OPCML: variants seen among roughly 807,000 people sequenced by gnomAD.
The protein encoded by OPCML is opioid-binding protein/cell adhesion molecule.
Under a neutral mutation model 37.8 loss-of-function variants are expected in OPCML, and 13 were observed. That is an observed-to-expected ratio of 0.34 (90% CI 0.22 to 0.55). The LOEUF (loss-of-function observed/expected upper bound fraction) is 0.55. Ranked by LOEUF, OPCML falls within the 20% of genes least tolerant of loss-of-function variation. The pLI is 0.91. For missense variants in OPCML, 341 were observed against 435.6 expected (o/e 0.78, Z 1.93); for synonymous variants, 176 against 168.8 (o/e 1.04, Z -0.33).
intron 1 of OPCML, among the ~76,000 whole-genome samples, chr11:133,284,316 A>G (rs975573790): frequency 6.6e-6 from 1 of 152,196 alleles, no homozygotes; most frequent in Non-Finnish European, 1.5e-5. Context: ...GCAAGCTCTT[A>G]CACACAACTC....
chr11:132,659,850 T>C (rs1941879566), intron 2 of OPCML, among the ~76,000 whole-genome samples: 1 of 152,198 alleles, frequency 6.6e-6, no homozygotes, highest in South Asian at 2.1e-4. Flanking sequence ...CTTTTTAAAC[T>C]GGAACTTGTT....
intron 1 of OPCML, among the ~76,000 whole-genome samples, chr11:133,357,296 C>G (rs1212476840): frequency 6.6e-6 from 1 of 152,220 alleles, no homozygotes; most frequent in African/African-American, 2.4e-5. Context: ...AGCTGCCCAA[C>G]TCTGGGAAAG....
At chr11:132,629,887 AATAG>A (rs1265060973) in intron 3 of OPCML, among the ~76,000 whole-genome samples, 3 of 152,218 alleles carry the variant, frequency 2.0e-5, no homozygotes, top group South Asian at 4.1e-4. Context: ...AAGAAACAAG[AATAG>A]ATATTTTGAA....
intron 1 of OPCML, among the ~76,000 whole-genome samples, chr11:133,210,801 A>G (rs1176856346): frequency 6.6e-6 from 1 of 152,144 alleles, no homozygotes; most frequent in East Asian, 1.9e-4. Flanking sequence ...TGATCTCCGG[A>G]CATTTTTTTA....
intron 2 of OPCML, among the ~76,000 whole-genome samples, chr11:132,808,097 T>G (rs889455215): frequency 4.6e-5 from 7 of 152,168 alleles, no homozygotes; most frequent in African/African-American, 1.7e-4. Flanking sequence ...ATTTAAAAAG[T>G]CAAATATCAG....
chr11:132,460,298 T>G (rs1465765943), intron 4 of OPCML, among the ~76,000 whole-genome samples: 1 of 152,152 alleles, frequency 6.6e-6, no homozygotes, highest in African/African-American at 2.4e-5. Context: ...CATTGATTAG[T>G]GCCAAGGCTC....
chr11:132,881,397 A>G (rs1337835741), intron 2 of OPCML, among the ~76,000 whole-genome samples: 1 of 152,156 alleles, frequency 6.6e-6, no homozygotes, highest in Non-Finnish European at 1.5e-5. Flanking sequence ...TGAAGCACAA[A>G]CAATGCAGCC....
chr11:132,966,958 G>C (rs1946228638), intron 1 of OPCML, among the ~76,000 whole-genome samples: 1 of 151,890 alleles, frequency 6.6e-6, no homozygotes, highest in Non-Finnish European at 1.5e-5. Context: ...GTATGTAGTT[G>C]GATTTTATCA....
At chr11:133,026,473 A>G (rs777676920) in intron 1 of OPCML, 59 of 985,222 alleles carry the variant, frequency 6.0e-5, no homozygotes, top group Non-Finnish European at 7.1e-5. Flanking sequence ...CCTCATCCTG[A>G]ACATCCTCCA....
intron 4 of OPCML, among the ~76,000 whole-genome samples, chr11:132,484,252 G>A (rs1174614841): frequency 1.3e-5 from 2 of 152,128 alleles, no homozygotes; most frequent in Non-Finnish European, 2.9e-5. Context: ...CAAAAAGTGG[G>A]CAAAGGACAT....
At chr11:132,804,799 G>A (rs1170900118) in intron 2 of OPCML, among the ~76,000 whole-genome samples, 1 of 152,182 alleles carries the variant, frequency 6.6e-6, no homozygotes, top group Non-Finnish European at 1.5e-5. Flanking sequence ...AGGATCAATA[G>A]TCTTTAGAGT....
chr11:133,140,525 T>TGAAGAAGAAG (rs1555102101), intron 1 of OPCML, among the ~76,000 whole-genome samples: 30 of 57,042 alleles, frequency 5.3e-4, no homozygotes, highest in Non-Finnish European at 1.2e-4. Context: ...ATAATAATAA[T>TGAAGAAGAAG]AATAATAAGA....
intron 4 of OPCML, among the ~76,000 whole-genome samples, chr11:132,479,266 C>G (rs952576775): frequency 5.3e-5 from 8 of 152,144 alleles, no homozygotes; most frequent in African/African-American, 1.7e-4. Context: ...GGGTGACAGA[C>G]GGCACCTGGA....
At chr11:132,698,771 T>C (rs1450100167) in intron 2 of OPCML, among the ~76,000 whole-genome samples, 2 of 152,110 alleles carry the variant, frequency 1.3e-5, no homozygotes, top group African/African-American at 4.8e-5. Flanking sequence ...AGGTCTTATG[T>C]TTAAGTCTTT....
chr11:133,244,253 G>A (rs886223310), intron 1 of OPCML, among the ~76,000 whole-genome samples: 3 of 152,084 alleles, frequency 2.0e-5, no homozygotes, highest in Non-Finnish European at 4.4e-5. Flanking sequence ...ACATTTCAAT[G>A]TCTTCATCTG....
chr11:132,851,823 A>C (rs1044710761), intron 2 of OPCML, among the ~76,000 whole-genome samples: 1 of 152,168 alleles, frequency 6.6e-6, no homozygotes, highest in Non-Finnish European at 1.5e-5. Flanking sequence ...TCAATGACAC[A>C]CTGAGAGTTA....
rs562001591 is a variant in OPCML, at chr11:132,803,903, C to A, written c.146+139023G>T. 2.0e-5 allele frequency among the ~76,000 whole-genome samples: 3 copies of A among 152,232 alleles called. No individual in the cohort carries two copies. The South Asian group carries it at 6.2e-4, about 32-fold the overall frequency. ...AAAACAATGCTTGGCATATAGTAAG[C>A]CATGCTCACTATTAACTGTTCTTAT... is the stretch of plus-strand genomic sequence containing the variant. On this transcript the variant is annotated intron_variant, in intron 2 of 7. Transcript: ENST00000524381.
intron 4 of OPCML, among the ~76,000 whole-genome samples, chr11:132,463,441 A>C (rs528748072): frequency 6.6e-6 from 1 of 152,312 alleles, no homozygotes; most frequent in East Asian, 1.9e-4. Flanking sequence ...TGGTGTCCTT[A>C]GGGAACTAGC....
rs376316289 is a variant in OPCML, at chr11:132,599,392, GAAGA to G, written c.379+57691_379+57694del. ...AGGAGGAAGAAGGAGGAAGAAGGAGGAAGAAGGAGGAAGAAGGAGGAAGAAGGAG... is the reference window on the plus strand; with the variant it reads ...AGGAGGAAGAAGGAGGAAGAAGGAGGAGGAGGAAGAAGGAGGAAGAAGGAG... On this transcript the variant is annotated intron_variant, in intron 3 of 7. Coordinates refer to ENST00000524381, the MANE Select transcript of OPCML (RefSeq NM_001012393.5). Among the ~76,000 whole-genome samples, 12 of 116,442 alleles carry G rather than the reference GAAGA, an allele frequency of 1.0e-4. No homozygotes were observed. In the South Asian group the frequency reaches 1.5e-3, roughly 15 times the overall value. The allele number at this position is 116,442 out of a possible 152,430, so 76.4% of individuals were successfully genotyped here.
Sources: allele counts gnomAD v4.1 joint callset (sites outside exome capture counted in the v4.1 genomes callset), GRCh38; gene constraint gnomAD v4.1.1; transcripts MANE v1.5; gene names NCBI Gene and HGNC (gene_info 2026-07-23, HGNC 2026-07-21).